Variants in MICU1 observed in about 807,000 individuals in gnomAD.
The protein encoded by MICU1 is calcium uptake protein 1, mitochondrial.
In MICU1, 45 loss-of-function variants were observed where a neutral mutation model predicts 56.8. That is an observed-to-expected ratio of 0.79 (90% confidence interval 0.62 to 1.02). The LOEUF (loss-of-function observed/expected upper bound fraction) is 1.02, where lower values mean the gene tolerates loss of function less well. MICU1 is among the 50% of genes least tolerant of loss of function. MICU1 has a pLI of 0.00. For synonymous variants in MICU1, 186 were observed against 195.1 expected (o/e 0.95, Z 0.39); for missense variants, 504 against 587.1 (o/e 0.86, Z 1.46).
intron 3 of MICU1, among the ~76,000 whole-genome samples, chr10:72,555,634 G>A (rs1840140433): frequency 6.6e-6 from 1 of 152,200 alleles, no homozygotes; most frequent in South Asian, 2.1e-4. Context: ...ACAGTTAATA[G>A]ATGGTTCAAG....
At chr10:72,465,801 A>C (rs1293126325) in intron 8 of MICU1, among the ~76,000 whole-genome samples, 2 of 152,110 alleles carry the variant, frequency 1.3e-5, no homozygotes, top group East Asian at 3.8e-4. Flanking sequence ...GACATGAGCC[A>C]CCATGCCTGG....
chr10:72,547,788 A>G (rs1490651574), intron 4 of MICU1, among the ~76,000 whole-genome samples: 1 of 152,180 alleles, frequency 6.6e-6, no homozygotes, highest in East Asian at 1.9e-4. Flanking sequence ...TCTTCCACAA[A>G]TAAATGGTGT....
chr10:72,445,772 T>A (rs1412196648), intron 8 of MICU1, among the ~76,000 whole-genome samples: 2 of 152,192 alleles, frequency 1.3e-5, no homozygotes, highest in Non-Finnish European at 2.9e-5. Flanking sequence ...TTTTTAACCT[T>A]TCTAAGCCTC....
At chr10:72,436,438 A>G (rs768019371) in intron 8 of MICU1, among the ~76,000 whole-genome samples, 4 of 152,242 alleles carry the variant, frequency 2.6e-5, no homozygotes, top group African/African-American at 7.2e-5. Context: ...AAAGGTAGAT[A>G]AAACCACAAA....
At chr10:72,467,089 C>A (rs1018903866) in intron 8 of MICU1, among the ~76,000 whole-genome samples, 1 of 152,178 alleles carries the variant, frequency 6.6e-6, no homozygotes, top group African/African-American at 2.4e-5. Flanking sequence ...ACCTCCACCT[C>A]CTGGGTCCAG....
chr10:72,433,148 C>T (rs1423979133), intron 8 of MICU1, among the ~76,000 whole-genome samples: 1 of 151,186 alleles, frequency 6.6e-6, no homozygotes, highest in Non-Finnish European at 1.5e-5. Context: ...CCATGTTGGC[C>T]AGGCTGGTCT....
chr10:72,441,814 C>T (rs1412024612), intron 8 of MICU1, among the ~76,000 whole-genome samples: 1 of 151,870 alleles, frequency 6.6e-6, no homozygotes, highest in Non-Finnish European at 1.5e-5. Flanking sequence ...GATGCGGTTT[C>T]ACCATGTTGG....
At chr10:72,382,473 G>C (rs1316092393) in intron 10 of MICU1, among the ~76,000 whole-genome samples, 1 of 152,154 alleles carries the variant, frequency 6.6e-6, no homozygotes, top group African/African-American at 2.4e-5. Context: ...GAGTGATGTG[G>C]GTTGGGGGTT....
chr10:72,405,170 A>C (rs1458278241), intron 10 of MICU1, among the ~76,000 whole-genome samples: 1 of 151,832 alleles, frequency 6.6e-6, no homozygotes, highest in African/African-American at 2.4e-5. Context: ...CAGCCTCCTA[A>C]AGTGTTAGGA....
At chr10:72,590,430 G>C (rs1015206611) in intron 1 of MICU1, among the ~76,000 whole-genome samples, 1 of 152,172 alleles carries the variant, frequency 6.6e-6, no homozygotes, top group Non-Finnish European at 1.5e-5. Flanking sequence ...AATGAAGGTA[G>C]AAATAGACAG....
At chr10:72,443,552 G>A (rs1479179287) in intron 8 of MICU1, among the ~76,000 whole-genome samples, 1 of 152,122 alleles carries the variant, frequency 6.6e-6, no homozygotes, top group Non-Finnish European at 1.5e-5. Context: ...TTTGTATAAG[G>A]TATAAGGAAG....
intron 8 of MICU1, among the ~76,000 whole-genome samples, chr10:72,470,129 G>A (rs1865906846): frequency 6.6e-6 from 1 of 152,190 alleles, no homozygotes; most frequent in South Asian, 2.1e-4. Flanking sequence ...TTTTACAAAT[G>A]AGGAGCCAGG....
chr10:72,370,622 G>C (rs1165820080), intron 11 of MICU1, among the ~76,000 whole-genome samples: 1 of 152,240 alleles, frequency 6.6e-6, no homozygotes, highest in African/African-American at 2.4e-5. Flanking sequence ...GGAAGGAAGT[G>C]ACTGGAGGTA....
chr10:72,488,965 C>T (rs1244592587), intron 6 of MICU1, among the ~76,000 whole-genome samples: 1 of 152,122 alleles, frequency 6.6e-6, no homozygotes, highest in Non-Finnish European at 1.5e-5. Context: ...ACTTAGGGCT[C>T]ACCATGTGGG....
chr10:72,562,748 T>A, intron 3 of MICU1, 147 bp downstream of exon 3: 1 of 647,344 alleles, frequency 1.5e-6, no homozygotes, highest in Non-Finnish European at 2.3e-6. Flanking sequence ...AAGAGTACTT[T>A]TGGCTTAGAA....
intron 8 of MICU1, among the ~76,000 whole-genome samples, chr10:72,439,597 G>C (rs1315222047): frequency 6.6e-6 from 1 of 152,188 alleles, no homozygotes; most frequent in African/African-American, 2.4e-5. Flanking sequence ...ATTAGGAAAT[G>C]AGGAAGTCAA....
intron 6 of MICU1, among the ~76,000 whole-genome samples, chr10:72,492,039 T>C (rs141983156): frequency 2.6e-3 from 396 of 152,310 alleles, no homozygotes; most frequent in African/African-American, 9.1e-3. Flanking sequence ...GTAGCTATTC[T>C]TTTCACTGTG....
At chr10:72,529,036 T>C (rs1004674947) in intron 5 of MICU1, among the ~76,000 whole-genome samples, 2 of 152,236 alleles carry the variant, frequency 1.3e-5, no homozygotes, top group Non-Finnish European at 2.9e-5. Context: ...AACACTATAA[T>C]CAATACTTCC....
chr10:72,466,399 T>C (rs973002096), intron 8 of MICU1, among the ~76,000 whole-genome samples: 1 of 152,218 alleles, frequency 6.6e-6, no homozygotes, highest in Admixed American at 6.5e-5. Flanking sequence ...ACTGAAATCT[T>C]AGAAAGAGAA....
Sources: allele counts gnomAD v4.1 joint callset (sites outside exome capture counted in the v4.1 genomes callset), GRCh38; gene constraint gnomAD v4.1.1; transcripts MANE v1.5; gene names NCBI Gene and HGNC (gene_info 2026-07-23, HGNC 2026-07-21).